Variants in ZFPM2 observed in about 807,000 individuals in gnomAD.
ZFPM2 encodes the protein zinc finger protein ZFPM2.
In ZFPM2, 20 loss-of-function variants were observed where a neutral mutation model predicts 98.6. The observed-to-expected ratio is 0.20, with a 90% CI of 0.14 to 0.29. The LOEUF is 0.29. ZFPM2 is among the 10% of genes least tolerant of loss of function. ZFPM2 has a pLI of 1.00. For missense variants in ZFPM2, 1,310 were observed against 1,388.6 expected (o/e 0.94, Z 0.90); for synonymous variants, 518 against 502.7 (o/e 1.03, Z -0.41).
chr8:105,402,454 C>T (rs1392482093), intron 1 of ZFPM2, among the ~76,000 whole-genome samples: 1 of 151,706 alleles, frequency 6.6e-6, no homozygotes, highest in Non-Finnish European at 1.5e-5. Context: ...AAAATATTGC[C>T]CAATTGGTTT....
At chr8:105,682,295 T>C (rs1235559911) in intron 5 of ZFPM2, among the ~76,000 whole-genome samples, 1 of 152,078 alleles carries the variant, frequency 6.6e-6, no homozygotes, top group Non-Finnish European at 1.5e-5. Flanking sequence ...CATTCTCGTG[T>C]CATTTGAGCA....
chr8:105,500,576 A>T (rs890675680), intron 3 of ZFPM2, among the ~76,000 whole-genome samples: 1 of 152,196 alleles, frequency 6.6e-6, no homozygotes, highest in African/African-American at 2.4e-5. Context: ...TGAAAATAAT[A>T]AAAAGAGACA....
In ZFPM2 at chr8:105,797,732, T is replaced by C. The variant is rs1469479762; in HGVS notation, c.740-992T>C. On this transcript the variant is annotated intron_variant, in intron 6 of 7. Coordinates refer to ENST00000407775, the MANE Select transcript of ZFPM2 (RefSeq NM_012082.4). ...AACCCCTCTTCTCCACCAAACCAGC[T>C]TAATTTCATCCTTCATACCTCAGCT... 3.9e-5 allele frequency among the ~76,000 whole-genome samples: 6 copies of C among 152,156 alleles called. No homozygotes were observed. In the East Asian group the frequency reaches 9.7e-4, roughly 25 times the overall value.
intron 1 of ZFPM2, among the ~76,000 whole-genome samples, chr8:105,379,664 A>T (rs2129860033): frequency 6.6e-6 from 1 of 151,866 alleles, no homozygotes; most frequent in Admixed American, 6.6e-5. Flanking sequence ...GAGGCGAGAG[A>T]ATTACTTGAA....
chr8:105,455,512 A>G (rs1433296184), intron 3 of ZFPM2, among the ~76,000 whole-genome samples: 1 of 152,050 alleles, frequency 6.6e-6, no homozygotes, highest in Non-Finnish European at 1.5e-5. Flanking sequence ...TGTAGTCTGT[A>G]ATACTATTAT....
At chr8:105,778,609 A>G (rs1813165812) in intron 5 of ZFPM2, among the ~76,000 whole-genome samples, 1 of 152,114 alleles carries the variant, frequency 6.6e-6, no homozygotes, top group Non-Finnish European at 1.5e-5. Context: ...TCACAGGCCA[A>G]TGTGTAATCG....
intron 5 of ZFPM2, among the ~76,000 whole-genome samples, chr8:105,677,129 A>G (rs1489025713): frequency 6.6e-6 from 1 of 152,160 alleles, no homozygotes; most frequent in Non-Finnish European, 1.5e-5. Context: ...ATAATATTTC[A>G]AGATTTCAAG....
At position 105,790,246 on chromosome 8, in the gene ZFPM2, T is replaced by A. The variant is rs981515686; in HGVS notation, c.739+1322T>A. 1.9e-4 allele frequency among the ~76,000 whole-genome samples: 29 copies of A among 151,204 alleles called. No homozygotes were observed. In the East Asian group the frequency reaches 2.7e-3, roughly 14 times the overall value. On this transcript the variant is annotated intron_variant, in intron 6 of 7. Transcript: ENST00000407775. Reference sequence around the variant, plus strand: ...CTAACATTTAAGTCTTTAATCCATCTTGAATTGATTTTTGTATAAGGTGTA... The same window carrying A: ...CTAACATTTAAGTCTTTAATCCATCATGAATTGATTTTTGTATAAGGTGTA...
intron 1 of ZFPM2, chr8:105,418,469 C>T (rs1419873868): frequency 2.1e-6 from 1 of 482,166 alleles, no homozygotes; most frequent in East Asian, 5.9e-5. Flanking sequence ...TCATTCTCTC[C>T]AAGGGAGTTG....
intron 4 of ZFPM2, among the ~76,000 whole-genome samples, chr8:105,571,626 A>G (rs1253034620): frequency 6.6e-6 from 1 of 152,236 alleles, no homozygotes; most frequent in Non-Finnish European, 1.5e-5. Context: ...ACATGGTTGT[A>G]ACAAATATTG....
At chr8:105,732,333 C>T (rs762585124) in intron 5 of ZFPM2, among the ~76,000 whole-genome samples, 27 of 151,730 alleles carry the variant, frequency 1.8e-4, no homozygotes, top group Non-Finnish European at 3.4e-4. Context: ...GCCTCATCTC[C>T]GAAATACATG....
chr8:105,710,461 A>T (rs1435126447), intron 5 of ZFPM2, among the ~76,000 whole-genome samples: 1 of 152,108 alleles, frequency 6.6e-6, no homozygotes, highest in African/African-American at 2.4e-5. Flanking sequence ...TTGTAAGCAG[A>T]TGGTGAAAGG....
intron 1 of ZFPM2, among the ~76,000 whole-genome samples, chr8:105,361,698 T>G (rs1200823233): frequency 3.3e-5 from 5 of 152,222 alleles, no homozygotes; most frequent in Non-Finnish European, 7.3e-5. Flanking sequence ...TTCAGAATAA[T>G]GCTTTATGGA....
intron 4 of ZFPM2, among the ~76,000 whole-genome samples, chr8:105,605,120 A>G (rs17217911): frequency 0.2 from 30,460 of 152,070 alleles, 3,077 homozygotes; most frequent in South Asian, 0.26. Context: ...ACTTTGTTTA[A>G]AAACATTAAA....
At chr8:105,487,279 G>A (rs933465287) in intron 3 of ZFPM2, among the ~76,000 whole-genome samples, 6 of 152,038 alleles carry the variant, frequency 3.9e-5, no homozygotes, top group Admixed American at 6.5e-5. Flanking sequence ...CACCATGCCC[G>A]GCTGCTTTTA....
intron 1 of ZFPM2, among the ~76,000 whole-genome samples, chr8:105,379,323 A>T (rs1052311944): frequency 4.6e-5 from 7 of 151,918 alleles, no homozygotes; most frequent in Admixed American, 1.3e-4. Flanking sequence ...ATAAACAATT[A>T]AAAAAAACTT....
chr8:105,450,312 T>C (rs563630469), intron 3 of ZFPM2, among the ~76,000 whole-genome samples: 2 of 152,086 alleles, frequency 1.3e-5, no homozygotes, highest in Admixed American at 1.3e-4. Context: ...TCTTTACTAG[T>C]CCAAAGAAGG....
chr8:105,651,604 C>G (rs1443339608), intron 5 of ZFPM2, among the ~76,000 whole-genome samples: 1 of 152,034 alleles, frequency 6.6e-6, no homozygotes, highest in Non-Finnish European at 1.5e-5. Context: ...TGTATCAACA[C>G]CTCTAAAAGG....
At chr8:105,476,261 C>T (rs1813010506) in intron 3 of ZFPM2, among the ~76,000 whole-genome samples, 1 of 152,132 alleles carries the variant, frequency 6.6e-6, no homozygotes, top group Non-Finnish European at 1.5e-5. Flanking sequence ...TGTTAGGAGC[C>T]GGGCTGCACA....
Sources: allele counts gnomAD v4.1 joint callset (sites outside exome capture counted in the v4.1 genomes callset), GRCh38; gene constraint gnomAD v4.1.1; transcripts MANE v1.5; gene names NCBI Gene and HGNC (gene_info 2026-07-23, HGNC 2026-07-21).